The following MTCL1 variants were observed in gnomAD, a reference collection of about 807,000 sequenced individuals.
The protein encoded by MTCL1 is microtubule cross-linking factor 1.
A neutral mutation model predicts 141.4 loss-of-function variants in MTCL1; 79 were observed. The ratio of observed to expected loss-of-function variants is 0.56; its 90% CI spans 0.47 to 0.67. MTCL1 has a LOEUF of 0.67. Among genes scored for constraint, MTCL1 ranks in the 30% least tolerant of loss-of-function variants. The pLI is 0.00. For synonymous variants in MTCL1, 914 were observed against 875.8 expected (o/e 1.04, Z -0.77); for missense variants, 2,177 against 2,113.9 (o/e 1.03, Z -0.59).
Position 8,829,545 on chromosome 18 carries a change from C to T in MTCL1, c.*18+581C>T, listed in dbSNP as rs545236881. ...TGAATAAACAACAAAATCATCCCCA[C>T]TCCAAATATCTTGAGACCTTCCCTC... is the stretch of plus-strand genomic sequence containing the variant. On this transcript the variant is annotated intron_variant, in intron 16 of 16. Coordinates refer to ENST00000359865, the Ensembl canonical transcript of MTCL1. 101 of 976,364 alleles carry T rather than the reference C, an allele frequency of 1.0e-4. 1 individual carries two copies. In the African/African-American group the frequency reaches 1.6e-3, roughly 16 times the overall value. The allele number at this position is 976,364 out of a possible 1,614,324, so 60.5% of individuals were successfully genotyped here.
In MTCL1 at chr18:8,751,466, A is replaced by G. The variant is rs76053434; in HGVS notation, c.358-26367A>G. ...AGTGGGCCACCTAAATCCTTCCAGA[A>G]TAGAATGGTATTGTTTTGGGACAAG... On this transcript the variant is annotated intron_variant, in intron 4 of 16. Coordinates refer to ENST00000359865, the Ensembl canonical transcript of MTCL1. 4.3e-3 allele frequency among the ~76,000 whole-genome samples: 660 copies of G among 152,336 alleles called. 26 individuals are homozygous for G. In the East Asian group the frequency reaches 0.071, roughly 16 times the overall value.
intron 14 of MTCL1, 80 bp from the exon 14 acceptor site, chr18:8,824,619 A>G (rs1046613409): frequency 4.7e-6 from 6 of 1,272,404 alleles, no homozygotes; most frequent in Admixed American, 2.5e-5. Flanking sequence ...GACACTTCTC[A>G]TGCAGGGCAG....
chr18:8,793,141 C>A (rs751783961), intron 8 of MTCL1, 21 bp downstream of exon 7: 2 of 1,611,830 alleles, frequency 1.2e-6, no homozygotes, highest in Non-Finnish European at 1.7e-6. Context: ...AACACGGACT[C>A]AGCACAACCG....
intron 4 of MTCL1, among the ~76,000 whole-genome samples, chr18:8,768,848 G>GTA (rs2096472113): frequency 6.9e-6 from 1 of 144,048 alleles, no homozygotes; most frequent in Non-Finnish European, 1.5e-5. Context: ...CTGGAGTGCA[G>GTA]TGGCGCGATC....
intron 4 of MTCL1, among the ~76,000 whole-genome samples, chr18:8,729,483 C>T (rs2096238894): frequency 6.6e-6 from 1 of 151,620 alleles, no homozygotes; most frequent in African/African-American, 2.4e-5. Flanking sequence ...GATGTACTGC[C>T]ACCTTGAACT....
Position 8,796,314 on chromosome 18 carries a change from G to A in MTCL1, c.2093G>A (p.Arg698Gln), listed in dbSNP as rs375918866. ...GCTTTGCAAAACACCCTCCATGAGC[G>A]AACCTGGAGTGATGAGAAGAATCTG... Residue 698 changes from arginine (R) to glutamine (Q), a missense_variant, in exon 9 of 17, where the codon CGA (arginine) becomes CAA (glutamine). Arg to Gln is a conservative substitution (Grantham distance 43). Transcript: ENST00000359865. The A allele has an allele frequency of 5.6e-6, 9 of 1,614,030 alleles. No individual in the cohort carries two copies. The highest frequency in any genetic ancestry group is 1.6e-4 in the Middle Eastern group (1 of 6,082).
chr18:8,798,323 C>G (rs2075997177), intron 10 of MTCL1, 32 bp downstream of exon 9: 2 of 1,453,444 alleles, frequency 1.4e-6, no homozygotes, highest in Non-Finnish European at 9.1e-7. Context: ...TGTCGCCCTG[C>G]CCACACCAGG....
At chr18:8,765,329 T>G (rs1399447503) in intron 4 of MTCL1, among the ~76,000 whole-genome samples, 1 of 152,198 alleles carries the variant, frequency 6.6e-6, no homozygotes, top group Non-Finnish European at 1.5e-5. Context: ...TCTGCCCCAG[T>G]GAGCCCAAGG....
At chr18:8,819,749 C>T (rs2076781000) in intron 13 of MTCL1, among the ~76,000 whole-genome samples, 2 of 152,204 alleles carry the variant, frequency 1.3e-5, no homozygotes, top group South Asian at 2.1e-4. Context: ...ACCACAGGCA[C>T]ATGCTACCAT....
intron 11 of MTCL1, 131 bp downstream of exon 10, chr18:8,807,191 T>A: frequency 2.1e-6 from 2 of 958,684 alleles, no homozygotes; most frequent in Non-Finnish European, 3.0e-6. Flanking sequence ...GAGGAGTGGC[T>A]GCTTGTGTCT....
In MTCL1 at chr18:8,783,973, G is replaced by C. The variant is rs755313432; in HGVS notation, c.861G>C (p.Leu287Phe). 1.1e-5 allele frequency: 17 copies of C among 1,613,808 alleles called. No homozygotes were observed. Among genetic ancestry groups the C allele is most frequent in the African/African-American group, 1.3e-5 (1 of 75,068 alleles). The change falls in exon 6 of 17, where the codon TTG (leucine) becomes TTC (phenylalanine). Residue 287 changes from leucine (L) to phenylalanine (F), a missense_variant. Leu to Phe is a conservative substitution (Grantham distance 22). Coordinates refer to ENST00000359865, the Ensembl canonical transcript of MTCL1. ...AGTTTGTAGAAGAGGAAGCGGAGTT[G>C]CTCCGGAGGTCCATCTCCGAGATCG...
chr18:8,764,446 T>C (rs1056859513), intron 4 of MTCL1, among the ~76,000 whole-genome samples: 2 of 151,942 alleles, frequency 1.3e-5, no homozygotes, highest in Non-Finnish European at 2.9e-5. Flanking sequence ...GCCTCCCAAG[T>C]AGCTGGGATT....
intron 1 of MTCL1, chr18:8,707,234 C>A (rs115134313): frequency 6.5e-6 from 1 of 152,816 alleles, no homozygotes; most frequent in African/African-American, 2.4e-5. Context: ...TGGGCTCCGA[C>A]ATCCCGGGTA....
At chr18:8,817,354 G>A (rs956326429) in intron 12 of MTCL1, among the ~76,000 whole-genome samples, 8 of 150,830 alleles carry the variant, frequency 5.3e-5, no homozygotes, top group Non-Finnish European at 5.9e-5. Context: ...AGAGCAGAGG[G>A]GCAAAGCTAA....
chr18:8,823,949 C>T (rs1210843792), intron 14 of MTCL1, among the ~76,000 whole-genome samples: 1 of 152,194 alleles, frequency 6.6e-6, no homozygotes, highest in Non-Finnish European at 1.5e-5. Context: ...TAAGCCTGTG[C>T]TTTGTGGGGT....
At chr18:8,725,239 T>A (rs1348220871) in intron 4 of MTCL1, among the ~76,000 whole-genome samples, 1 of 152,008 alleles carries the variant, frequency 6.6e-6, no homozygotes, top group East Asian at 1.9e-4. Context: ...TTGAAAAGAG[T>A]CCGAGGGAAC....
In MTCL1 at chr18:8,784,036, G is replaced by GT; in HGVS notation, c.927dup (p.Lys310Ter). 1 of 1,613,618 alleles carries GT rather than the reference G, an allele frequency of 6.2e-7. No individual in the cohort carries two copies. The highest frequency in any genetic ancestry group is 2.2e-5 in the East Asian group (1 of 44,850). The stretch of plus-strand genomic sequence containing the variant: ...GGCAACTGACCCACGAGCTCAGCAA[G>GT]TTTAAGTTTGAGCCTCCCCGGGAGC... On this transcript the variant is annotated frameshift_variant, in exon 6 of 17. Coordinates refer to ENST00000359865, the Ensembl canonical transcript of MTCL1. LOFTEE classifies it high-confidence loss of function.
chr18:8,817,780 G>A (rs7240959), intron 12 of MTCL1, among the ~76,000 whole-genome samples: 71,085 of 152,058 alleles, frequency 0.47, 16,957 homozygotes, highest in African/African-American at 0.55. Context: ...CAGATACTTT[G>A]CTTATTCAAA....
At chr18:8,714,254 C>T (rs1034326909), upstream of MTCL1, among the ~76,000 whole-genome samples, 6 of 152,136 alleles carry the variant, frequency 3.9e-5, no homozygotes, top group Non-Finnish European at 7.4e-5. Context: ...ACACAGGTAA[C>T]TAGCCTCAGT....
Sources: gnomAD v4.1 joint callset for allele counts (sites outside exome capture counted in the v4.1 genomes callset) on GRCh38, gnomAD v4.1.1 for gene constraint, MANE v1.5 for transcripts, NCBI Gene and HGNC (gene_info 2026-07-23, HGNC 2026-07-21) for gene names.